DRAXIN: variants seen among roughly 807,000 people sequenced by gnomAD.
DRAXIN encodes the protein dorsal inhibitory axon guidance protein.
A neutral mutation model predicts 33.9 loss-of-function variants in DRAXIN; 27 were observed. The ratio of observed to expected loss-of-function variants is 0.80; its 90% CI spans 0.59 to 1.10. DRAXIN has a LOEUF of 1.10. Ranked by LOEUF, DRAXIN falls within the 50% of genes least tolerant of loss-of-function variation. The pLI, the probability that DRAXIN is intolerant of heterozygous loss-of-function variation, is 0.00. For missense variants in DRAXIN, 371 were observed against 460.8 expected (o/e 0.81, Z 1.78); for synonymous variants, 178 against 194.0 (o/e 0.92, Z 0.69).
In DRAXIN at chr1:11,706,574, C is replaced by CTGCA. The variant is rs1407483816; in HGVS notation, c.317_320dup (p.Gln107HisfsTer90). On this transcript the variant is annotated frameshift_variant, in exon 2 of 7. Coordinates refer to ENST00000294485, the MANE Select transcript of DRAXIN (RefSeq NM_198545.4). LOFTEE classifies it high-confidence loss of function. This position sits in a 1 kb window ranked among gnomAD's most constrained non-coding sequence, Gnocchi z 5.5. ...GCCTGAGCAGAGTCCTGCAGGCCTG[C>CTGCA]TGCAGGACAAGGACCTGCTCCTGGG... is the stretch of plus-strand genomic sequence containing the variant. 1 of 1,609,344 alleles carries CTGCA rather than the reference C, an allele frequency of 6.2e-7. No homozygotes were observed. Among genetic ancestry groups the CTGCA allele is most frequent in the Non-Finnish European group, 8.5e-7 (1 of 1,179,298 alleles).
At chr1:11,689,991 A>C (rs556771770), upstream of DRAXIN, among the ~76,000 whole-genome samples, 5 of 151,798 alleles carry the variant, frequency 3.3e-5, no homozygotes, top group African/African-American at 9.7e-5. Context: ...CCCCACAACC[A>C]CGTGGCTCAT....
intron 6 of DRAXIN, 141 bp downstream of exon 6, chr1:11,715,349 G>A (rs1438170650): frequency 2.0e-6 from 2 of 997,692 alleles, no homozygotes; most frequent in Admixed American, 4.3e-5. Context: ...GGGGGTGTAG[G>A]TGGGAGAATC....
chr1:11,706,326 G>A lies in DRAXIN; in HGVS notation c.68G>A (p.Ser23Asn). 6.2e-7 allele frequency: 1 copy of A among 1,613,806 alleles called. No homozygotes were observed. The highest frequency in any genetic ancestry group is 8.5e-7 in the Non-Finnish European group (1 of 1,180,004). The stretch of plus-strand genomic sequence containing the variant: ...GTCCTCCTGCTGCCCCTGGAGCTGA[G>A]CCTGGCAGGCGCCCTTGCACCTGGG... ...FLVLLLPLELSLAGALAPGTP... is the reference protein window; with the variant it reads ...FLVLLLPLELNLAGALAPGTP... The change falls in exon 2 of 7, where the codon AGC becomes AAC. Residue 23 changes from serine to asparagine, a missense_variant. Physicochemically the swap from Ser to Asn is conservative, Grantham distance 46 (BLOSUM62 1). Transcript: ENST00000294485. This position sits in a 1 kb window ranked among gnomAD's most constrained non-coding sequence, Gnocchi z 5.5.
chr1:11,695,826 A>G (rs1386759478), intron 1 of DRAXIN, among the ~76,000 whole-genome samples: 1 of 152,084 alleles, frequency 6.6e-6, no homozygotes, highest in African/African-American at 2.4e-5. Flanking sequence ...ACAAGTACCT[A>G]TAATCTAGCA....
At position 11,725,783 on chromosome 1, in the gene DRAXIN, A is replaced by T. The variant is rs368880255; in HGVS notation, c.*6087A>T. On this transcript the variant is annotated 3_prime_UTR_variant, in exon 7 of 7. Coordinates refer to ENST00000294485, the MANE Select transcript of DRAXIN (RefSeq NM_198545.4). The stretch of plus-strand genomic sequence containing the variant: ...AGCGGCAGGGGGAGGGGGAAGTGCC[A>T]CGCCCTTGTAGTTTCATGATGTCAT... 6.6e-6 allele frequency: 1 copy of T among 152,148 alleles called. No individual in the cohort carries two copies. Among genetic ancestry groups the T allele is most frequent in the Non-Finnish European group, 1.5e-5 (1 of 68,062 alleles). The allele number at this position is 152,148 out of a possible 1,614,324, so 9.4% of individuals were successfully genotyped here. A position where few individuals can be genotyped will look rare whatever the true frequency, so the allele number is the denominator to read the frequency against.
In DRAXIN at chr1:11,724,444, C is replaced by G. The variant is rs2100748603; in HGVS notation, c.*4748C>G. 1 of 152,388 alleles carries G rather than the reference C, an allele frequency of 6.6e-6. No homozygotes were observed. Among genetic ancestry groups the G allele is most frequent in the East Asian group, 1.9e-4 (1 of 5,188 alleles). The allele number at this position is 152,388 out of a possible 1,614,324, so 9.4% of individuals were successfully genotyped here. On this transcript the variant is annotated 3_prime_UTR_variant, in exon 7 of 7. Transcript: ENST00000294485. ...ACACCAAGAGTGGTTTCCATGCCTG[C>G]TGGGAATAGGCTGAGCATGCAATGA... is the stretch of plus-strand genomic sequence containing the variant.
chr1:11,698,426 G>A (rs1021412954), intron 1 of DRAXIN, among the ~76,000 whole-genome samples: 3 of 152,334 alleles, frequency 2.0e-5, no homozygotes, highest in African/African-American at 4.8e-5. Flanking sequence ...GCTGACTGCA[G>A]AGTGGCCACA....
chr1:11,708,616 A>G (rs1395886605), intron 2 of DRAXIN, among the ~76,000 whole-genome samples: 1 of 152,196 alleles, frequency 6.6e-6, no homozygotes, highest in Admixed American at 6.5e-5. Flanking sequence ...CCTGCTACTC[A>G]TGAGCTGTGC....
chr1:11,715,061 G>C, intron 5 of DRAXIN, 58 bp from the exon 6 acceptor site: 2 of 1,591,164 alleles, frequency 1.3e-6, no homozygotes, highest in Non-Finnish European at 1.7e-6. Context: ...ACCGAGTGCA[G>C]GGCTGCGGGG....
At chr1:11,693,065 C>T (rs1357983212) in intron 1 of DRAXIN, among the ~76,000 whole-genome samples, 1 of 152,038 alleles carries the variant, frequency 6.6e-6, no homozygotes, top group East Asian at 1.9e-4. Context: ...ACCACCACAG[C>T]CTCTTCCCCC....
Position 11,719,741 on chromosome 1 carries a change from C to T in DRAXIN, c.*45C>T, listed in dbSNP as rs117171357. 5.1e-4 allele frequency: 791 copies of T among 1,547,870 alleles called. 5 individuals carry two copies. In the East Asian group the frequency reaches 0.017, roughly 33 times the overall value. ...ACTGAGCCCAGGAGGTTTGCACAAG[C>T]CGGGCGATTTGTTTGTAACTAGCAG... is the stretch of plus-strand genomic sequence containing the variant. On this transcript the variant is annotated 3_prime_UTR_variant, in exon 7 of 7. Coordinates refer to ENST00000294485, the MANE Select transcript of DRAXIN (RefSeq NM_198545.4).
intron 1 of DRAXIN, among the ~76,000 whole-genome samples, chr1:11,698,004 A>G (rs1272848043): frequency 6.6e-6 from 1 of 151,826 alleles, no homozygotes; most frequent in Non-Finnish European, 1.5e-5. Context: ...CACCCGCCCC[A>G]TCCTCTATGC....
At position 11,709,453 on chromosome 1, in the gene DRAXIN, C is replaced by T. The variant is rs1641443783; in HGVS notation, c.630C>T (p.Ser210=). The T allele has an allele frequency of 6.2e-7, 1 of 1,613,118 alleles. No individual in the cohort carries two copies. The highest frequency in any genetic ancestry group is 1.7e-5 in the Admixed American group (1 of 59,888). ...AGTCCCTGATCCTGCCCGTCACCTCCCTGCGGCCCCAGGTAAGGGGTCCCC... is the reference window on the plus strand; with the variant it reads ...AGTCCCTGATCCTGCCCGTCACCTCTCTGCGGCCCCAGGTAAGGGGTCCCC... ...TEESLILPVT[S]LRPQQAQPRS... Residue 210 remains serine, a synonymous_variant, in exon 3 of 7, where the codon TCC becomes TCT. Coordinates refer to ENST00000294485, the MANE Select transcript of DRAXIN (RefSeq NM_198545.4).
chr1:11,712,311 C>T, intron 4 of DRAXIN, 29 bp from the exon 5 acceptor site: 4 of 1,613,294 alleles, frequency 2.5e-6, no homozygotes, highest in Non-Finnish European at 3.4e-6. Context: ...TGGGCCCCAG[C>T]TTCTGACGAC....
intron 1 of DRAXIN, among the ~76,000 whole-genome samples, chr1:11,702,769 GTCTC>G (rs1641317713): frequency 7.0e-6 from 1 of 143,152 alleles, no homozygotes; most frequent in South Asian, 2.2e-4. Context: ...TTTCTTTTGA[GTCTC>G]TCTCTGTCGC....
rs768610692 is a variant in DRAXIN at position 11,715,228 on chromosome 1, CG to C, written c.937+26del. On this transcript the variant is annotated intron_variant, in intron 6 of 6. Transcript: ENST00000294485. ...TGGAAGGTGGGTCCAGACTCCTTTG[CG>C]GGGGGCTACCCATGCTCTGAGAACC... 6.2e-7 allele frequency: 1 copy of C among 1,613,932 alleles called. No individual in the cohort carries two copies. The highest frequency in any genetic ancestry group is 1.6e-4 in the Middle Eastern group (1 of 6,062).
chr1:11,712,025 G>A, intron 4 of DRAXIN, 60 bp downstream of exon 4: 1 of 1,518,928 alleles, frequency 6.6e-7, no homozygotes, highest in Non-Finnish European at 9.0e-7. Flanking sequence ...CGCACCATCT[G>A]TTGAGGTGGG....
chr1:11,697,735 A>T (rs1641213374), intron 1 of DRAXIN, among the ~76,000 whole-genome samples: 1 of 152,084 alleles, frequency 6.6e-6, no homozygotes, highest in Non-Finnish European at 1.5e-5. Flanking sequence ...CTCCCCTGCG[A>T]TCTCCATCGC....
At position 11,706,747 on chromosome 1, in the gene DRAXIN, T is replaced by C. The variant is rs1383467543; in HGVS notation, c.451+38T>C. ...CTGCGAGGGGTGGGGATGGGGGTGA[T>C]TCCTGCCATGGACTGAGGGGAGCAG... On this transcript the variant is annotated intron_variant, in intron 2 of 6. Coordinates refer to ENST00000294485, the MANE Select transcript of DRAXIN (RefSeq NM_198545.4). This position sits in a 1 kb window ranked among gnomAD's most constrained non-coding sequence, Gnocchi z 5.5. 1 of 1,504,308 alleles carries C rather than the reference T, an allele frequency of 6.6e-7. No homozygotes were observed. Among genetic ancestry groups the C allele is most frequent in the Non-Finnish European group, 8.9e-7 (1 of 1,128,722 alleles). 93.2% of individuals were successfully genotyped at this position (1,504,308 alleles called of 1,614,324 possible). A position where few individuals can be genotyped will look rare whatever the true frequency, so the allele number is the denominator to read the frequency against.
Sources: gnomAD v4.1 joint callset for allele counts (sites outside exome capture counted in the v4.1 genomes callset) on GRCh38, gnomAD v4.1.1 for gene constraint, Gnocchi (gnomAD v3.1) non-coding constraint, MANE v1.5 for transcripts, NCBI Gene and HGNC (gene_info 2026-07-23, HGNC 2026-07-21) for gene names.